The following CD8B2 variants were observed in gnomAD, a reference collection of about 807,000 sequenced individuals.
CD8B2 encodes T-cell surface glycoprotein CD8 beta-2 chain.
In CD8B2, 11 loss-of-function variants were observed where a neutral mutation model predicts 23.7. The observed-to-expected ratio is 0.46, with a 90% confidence interval of 0.29 to 0.77. The LOEUF (loss-of-function observed/expected upper bound fraction) is 0.77. Among genes scored for constraint, CD8B2 ranks in the 30% least tolerant of loss-of-function variants. The probability of loss-of-function intolerance (pLI) is 0.09; values close to 1 mark genes in which losing one functional copy is unlikely to be tolerated. For synonymous variants in CD8B2, 90 were observed against 109.3 expected (o/e 0.82, Z 1.10); for missense variants, 197 against 270.5 (o/e 0.73, Z 1.91).
At chr2:106,500,515 G>A (rs1193376728) in intron 3 of CD8B2, among the ~76,000 whole-genome samples, 79 of 105,046 alleles carry the variant, frequency 7.5e-4, no homozygotes, top group African/African-American at 1.2e-3. Flanking sequence ...GCAAAACTCC[G>A]TCTCAAAAAT....
chr2:106,520,402 A>G (rs1269326324), intron 5 of CD8B2, among the ~76,000 whole-genome samples: 1 of 152,150 alleles, frequency 6.6e-6, no homozygotes, highest in East Asian at 1.9e-4. Flanking sequence ...GGGCCTTTCC[A>G]GAATCATTGA....
chr2:106,525,725 T>C (rs1405757442), intron 5 of CD8B2, among the ~76,000 whole-genome samples: 1 of 152,226 alleles, frequency 6.6e-6, no homozygotes, highest in African/African-American at 2.4e-5. Flanking sequence ...ATGTATAATA[T>C]GGCCTTTTGT....
Position 106,502,515 on chromosome 2 carries a change from G to A in CD8B2, c.535G>A (p.Gly179Ser). 6.3e-7 allele frequency: 1 copy of A among 1,585,574 alleles called. No homozygotes were observed. The highest frequency in any genetic ancestry group is 8.6e-7 in the Non-Finnish European group (1 of 1,165,058). The change falls in exon 4 of 6, where the codon GGC becomes AGC. Residue 179 changes from glycine to serine, a missense_variant. Coordinates refer to ENST00000643224, the MANE Select transcript of CD8B2 (RefSeq NM_001349727.2). Reference sequence around the variant, plus strand: ...CGTCACCCTTGGCCTGCTGGTGGCTGGCGTCCTGGTTCTGCTGGTTTCCCT... The same window carrying A: ...CGTCACCCTTGGCCTGCTGGTGGCTAGCGTCCTGGTTCTGCTGGTTTCCCT... ...SPVTLGLLVAGVLVLLVSLGV... is the reference protein window; with the variant it reads ...SPVTLGLLVASVLVLLVSLGV...
intron 5 of CD8B2, among the ~76,000 whole-genome samples, chr2:106,538,607 G>C (rs916296181): frequency 3.9e-5 from 6 of 152,110 alleles, no homozygotes; most frequent in Admixed American, 3.3e-4. Context: ...TCCTGAGTAG[G>C]AATTCCTGTC....
At chr2:106,539,604 A>G (rs1232685188) in intron 5 of CD8B2, among the ~76,000 whole-genome samples, 1 of 152,222 alleles carries the variant, frequency 6.6e-6, no homozygotes, top group East Asian at 1.9e-4. Flanking sequence ...ATTCCAGCTT[A>G]CAGGATGTTT....
chr2:106,527,508 G>T (rs1347844317), intron 5 of CD8B2, among the ~76,000 whole-genome samples: 1 of 152,192 alleles, frequency 6.6e-6, no homozygotes, highest in Non-Finnish European at 1.5e-5. Context: ...GGATCAGCCG[G>T]GCACAGTGGC....
At chr2:106,530,924 T>C (rs1315862999) in intron 5 of CD8B2, among the ~76,000 whole-genome samples, 1 of 152,192 alleles carries the variant, frequency 6.6e-6, no homozygotes, top group African/African-American at 2.4e-5. Flanking sequence ...CTAGATGGGC[T>C]AAAAAGGGGA....
chr2:106,530,829 G>A (rs1362724049), intron 5 of CD8B2, among the ~76,000 whole-genome samples: 1 of 152,150 alleles, frequency 6.6e-6, no homozygotes, highest in Middle Eastern at 3.2e-3. Context: ...AAGGCGGTGA[G>A]AGTGACCTCT....
intron 2 of CD8B2, among the ~76,000 whole-genome samples, chr2:106,491,575 C>G (rs1391883827): frequency 6.6e-6 from 1 of 152,050 alleles, no homozygotes; most frequent in African/African-American, 2.4e-5. Flanking sequence ...TGAGACAGAG[C>G]CTCACTGTGT....
intron 5 of CD8B2, among the ~76,000 whole-genome samples, chr2:106,522,463 T>C (rs538211480): frequency 6.6e-6 from 1 of 152,302 alleles, no homozygotes; most frequent in Non-Finnish European, 1.5e-5. Context: ...CAAAATCAAA[T>C]TATTTTGCTC....
Position 106,504,984 on chromosome 2 carries a change from A to G in CD8B2, c.620+659A>G, listed in dbSNP as rs1476113451. 2.0e-5 allele frequency among the ~76,000 whole-genome samples: 3 copies of G among 152,174 alleles called. No homozygotes were observed. The East Asian group carries it at 5.8e-4, about 29-fold the overall frequency. On this transcript the variant is annotated intron_variant, in intron 5 of 5. Coordinates refer to ENST00000643224, the MANE Select transcript of CD8B2 (RefSeq NM_001349727.2). ...GGGTCCCAGGAGTTGACAGAGTCAC[A>G]TAGCACTCTTGGGGCCCACTAAGCT...
At chr2:106,529,202 T>C (rs1256117917) in intron 5 of CD8B2, among the ~76,000 whole-genome samples, 1 of 152,196 alleles carries the variant, frequency 6.6e-6, no homozygotes, top group African/African-American at 2.4e-5. Flanking sequence ...TTATCTGCGA[T>C]TAAGTAAACT....
chr2:106,531,444 T>C (rs1679988344), intron 5 of CD8B2, among the ~76,000 whole-genome samples: 1 of 152,232 alleles, frequency 6.6e-6, no homozygotes. Flanking sequence ...ACTTATTTTC[T>C]GTCCTCTATC....
chr2:106,533,566 A>T (rs1459442540), intron 5 of CD8B2, among the ~76,000 whole-genome samples: 2 of 152,128 alleles, frequency 1.3e-5, no homozygotes, highest in African/African-American at 4.8e-5. Flanking sequence ...TATCCTGTCC[A>T]TCCCCTCCTT....
chr2:106,526,588 G>C (rs1679909915), intron 5 of CD8B2, among the ~76,000 whole-genome samples: 1 of 152,226 alleles, frequency 6.6e-6, no homozygotes, highest in Non-Finnish European at 1.5e-5. Context: ...TGTAGCACCT[G>C]TCAGTATTTC....
At chr2:106,493,231 G>T (rs1679227447) in intron 2 of CD8B2, among the ~76,000 whole-genome samples, 1 of 152,206 alleles carries the variant, frequency 6.6e-6, no homozygotes, top group Non-Finnish European at 1.5e-5. Flanking sequence ...ACAAAGCTGG[G>T]ATGGTTGAGA....
In CD8B2 at chr2:106,508,138, G is replaced by A. The variant is rs999906204; in HGVS notation, c.*1198G>A. 29 of 150,120 alleles carry A rather than the reference G, an allele frequency of 1.9e-4. No homozygotes were observed. Among genetic ancestry groups the A allele is most frequent in the Non-Finnish European group, 2.8e-4 (19 of 67,516 alleles). The allele number at this position is 150,120 out of a possible 1,614,324, so 9.3% of individuals were successfully genotyped here. ...AAAGTGCCTGAGACCCATCTTAGCCGCCCCTACCTGAGCTTTAGCAGCCTA... is the reference window on the plus strand; with the variant it reads ...AAAGTGCCTGAGACCCATCTTAGCCACCCCTACCTGAGCTTTAGCAGCCTA... On this transcript the variant is annotated 3_prime_UTR_variant, in exon 6 of 6. Coordinates refer to ENST00000643224, the MANE Select transcript of CD8B2 (RefSeq NM_001349727.2).
intron 5 of CD8B2, among the ~76,000 whole-genome samples, chr2:106,539,127 A>C (rs1167085149): frequency 1.5e-4 from 23 of 152,192 alleles, no homozygotes; most frequent in Non-Finnish European, 7.3e-5. Flanking sequence ...TGCCTGCCCC[A>C]TGGAGTTGCT....
chr2:106,503,165 G>A (rs1460740001), intron 4 of CD8B2, among the ~76,000 whole-genome samples: 2 of 151,688 alleles, frequency 1.3e-5, no homozygotes, highest in African/African-American at 2.4e-5. Context: ...GAGCCGGAGG[G>A]GAGGCCTGCA....
Sources: allele counts gnomAD v4.1 joint callset (sites outside exome capture counted in the v4.1 genomes callset), GRCh38; gene constraint gnomAD v4.1.1; transcripts MANE v1.5; gene names NCBI Gene and HGNC (gene_info 2026-07-23, HGNC 2026-07-21).